Variants in SEMA3E observed in about 807,000 individuals in gnomAD.
The protein encoded by SEMA3E is semaphorin-3E.
Under a neutral mutation model 93.6 loss-of-function variants are expected in SEMA3E, and 49 were observed. The ratio of observed to expected loss-of-function variants is 0.52; its 90% CI spans 0.42 to 0.66. SEMA3E has a LOEUF of 0.66. SEMA3E is among the 30% of genes least tolerant of loss of function. SEMA3E has a pLI of 0.00. For missense variants in SEMA3E, 906 were observed against 964.8 expected (o/e 0.94, Z 0.81); for synonymous variants, 363 against 330.7 (o/e 1.10, Z -1.06).
At chr7:83,395,710 G>C (rs943797473) in intron 12 of SEMA3E, among the ~76,000 whole-genome samples, 1 of 152,102 alleles carries the variant, frequency 6.6e-6, no homozygotes, top group Non-Finnish European at 1.5e-5. Flanking sequence ...CAAGCATAGC[G>C]CTGAAGTGCT....
chr7:83,481,395 G>T (rs192767938), intron 2 of SEMA3E, among the ~76,000 whole-genome samples: 5 of 151,540 alleles, frequency 3.3e-5, no homozygotes, highest in African/African-American at 1.2e-4. Flanking sequence ...ACAAAAACAC[G>T]TTTTTTTTCA....
intron 16 of SEMA3E, among the ~76,000 whole-genome samples, chr7:83,383,770 G>A (rs939232695): frequency 3.9e-5 from 6 of 151,916 alleles, no homozygotes; most frequent in Admixed American, 6.6e-5. Context: ...GGCAGATTAT[G>A]GTGAGTTCCA....
chr7:83,619,998 T>C (rs1196849104), intron 1 of SEMA3E, among the ~76,000 whole-genome samples: 1 of 151,848 alleles, frequency 6.6e-6, no homozygotes, highest in Non-Finnish European at 1.5e-5. Flanking sequence ...ATCCTGACAT[T>C]TAGTAGGTAA....
chr7:83,527,133 C>T (rs762032422), intron 1 of SEMA3E, among the ~76,000 whole-genome samples: 4 of 152,018 alleles, frequency 2.6e-5, no homozygotes, highest in Admixed American at 6.6e-5. Flanking sequence ...AATGCATCTG[C>T]AAGCCACAGA....
chr7:83,392,454 A>G (rs961313933), intron 14 of SEMA3E, 101 bp downstream of exon 14: 1 of 1,285,514 alleles, frequency 7.8e-7, no homozygotes, highest in African/African-American at 1.5e-5. Flanking sequence ...ACAATAATTA[A>G]TACAGGTATT....
chr7:83,503,333 G>GT (rs533362853), intron 1 of SEMA3E, among the ~76,000 whole-genome samples: 47 of 151,986 alleles, frequency 3.1e-4, no homozygotes, highest in Admixed American at 2.9e-3. Flanking sequence ...TAGGAAGTTT[G>GT]TTTTTTTCTT....
chr7:83,400,282 T>A, intron 10 of SEMA3E, 32 bp from the exon 11 acceptor site: 1 of 1,593,822 alleles, frequency 6.3e-7, no homozygotes, highest in Non-Finnish European at 8.6e-7. Flanking sequence ...TAATTCTTTT[T>A]GCTTTACACC....
chr7:83,387,901 T>C (rs1374490253), intron 14 of SEMA3E, among the ~76,000 whole-genome samples: 1 of 147,038 alleles, frequency 6.8e-6, no homozygotes, highest in Admixed American at 6.9e-5. Context: ...TAACATTATA[T>C]ATATAAAATT....
chr7:83,414,802 T>C (rs893112594), intron 5 of SEMA3E, among the ~76,000 whole-genome samples: 4 of 152,064 alleles, frequency 2.6e-5, no homozygotes, highest in Non-Finnish European at 4.4e-5. Flanking sequence ...CCCCAAACTC[T>C]AGCTACATGT....
At position 83,583,572 on chromosome 7, in the gene SEMA3E, C is replaced by T. The variant is rs78043227; in HGVS notation, c.115+64856G>A. The stretch of plus-strand genomic sequence containing the variant: ...CCCCATATTTATTTGGCTAGCCACT[C>T]GATTCCATCCCCATCTCAGGAGCTA... On this transcript the variant is annotated intron_variant, in intron 1 of 16. Transcript: ENST00000643230. Among the ~76,000 whole-genome samples, 1,429 of 152,216 alleles carry T rather than the reference C, an allele frequency of 9.4e-3. 25 individuals carry two copies. Among genetic ancestry groups the T allele is most frequent in the African/African-American group, 0.032 (1,342 of 41,548 alleles).
intron 1 of SEMA3E, among the ~76,000 whole-genome samples, chr7:83,493,054 T>C (rs991934765): frequency 6.6e-6 from 1 of 152,008 alleles, no homozygotes; most frequent in Non-Finnish European, 1.5e-5. Flanking sequence ...TCTTCACCTG[T>C]TAATCACCCT....
At chr7:83,525,765 T>C (rs544576165) in intron 1 of SEMA3E, among the ~76,000 whole-genome samples, 2 of 145,306 alleles carry the variant, frequency 1.4e-5, no homozygotes, top group African/African-American at 5.0e-5. Flanking sequence ...TCTAAGTTCC[T>C]TCATTTTTGT....
rs1489026507 is a variant in SEMA3E at position 83,390,048 on chromosome 7, C to T, written c.1667+2507G>A. On this transcript the variant is annotated intron_variant, in intron 14 of 16. Coordinates refer to ENST00000643230, the MANE Select transcript of SEMA3E (RefSeq NM_012431.3). ...GTGTATACGTATACACATATATGCG[C>T]GTATACGTGTGCACATATATGCGCG... Among the ~76,000 whole-genome samples, 4 of 50,526 alleles carry T rather than the reference C, an allele frequency of 7.9e-5. 1 individual carries two copies. Among genetic ancestry groups the T allele is most frequent in the African/African-American group, 1.3e-4 (3 of 22,846 alleles). 33.1% of individuals were successfully genotyped at this position (50,526 alleles called of 152,430 possible).
In SEMA3E at chr7:83,394,271, TAC is replaced by T. The variant is rs71074649; in HGVS notation, c.1500+24_1500+25del. The T allele has an allele frequency of 0.93, 1,378,593 of 1,489,602 alleles. 635,583 individuals carry two copies. Among genetic ancestry groups the T allele is most frequent in the Non-Finnish European group, 0.94 (1,015,616 of 1,082,800 alleles). The allele number at this position is 1,489,602 out of a possible 1,614,324, so 92.3% of individuals were successfully genotyped here. ...AGCTCACATATAGAACACACACACC[TAC>T]ACACACACACACACAGAACTTACCC... is the stretch of plus-strand genomic sequence containing the variant. On this transcript the variant is annotated intron_variant, in intron 13 of 16. Coordinates refer to ENST00000643230, the MANE Select transcript of SEMA3E (RefSeq NM_012431.3).
chr7:83,499,026 C>A, intron 1 of SEMA3E, among the ~76,000 whole-genome samples: 1 of 134,340 alleles, frequency 7.4e-6, no homozygotes, highest in South Asian at 2.3e-4. Context: ...TAATATAAAC[C>A]TTTTTCTTTA....
chr7:83,474,420 GT>G (rs1460272044), intron 2 of SEMA3E, among the ~76,000 whole-genome samples: 2 of 152,132 alleles, frequency 1.3e-5, no homozygotes, highest in Non-Finnish European at 2.9e-5. Context: ...GCCCCAAGCA[GT>G]TTTTTACTAA....
chr7:83,407,249 C>T lies in SEMA3E; in HGVS notation c.671-10G>A, dbSNP rs372840645. 1.9e-4 allele frequency: 299 copies of T among 1,606,450 alleles called. 2 individuals carry two copies. Among genetic ancestry groups the T allele is most frequent in the Non-Finnish European group, 2.2e-4 (260 of 1,175,676 alleles). On this transcript the variant is annotated splice_polypyrimidine_tract_variant and intron_variant, in intron 6 of 16. Transcript: ENST00000643230. ...CCTACAAATTTTGGTTCTATAGGAG[C>T]AAAAAATAGGAGAAAAAGTGAAATA...
chr7:83,399,502 A>G (rs1036840592), intron 11 of SEMA3E, among the ~76,000 whole-genome samples: 1 of 152,204 alleles, frequency 6.6e-6, no homozygotes, highest in Non-Finnish European at 1.5e-5. Flanking sequence ...TATTGTCCCA[A>G]GTTCCAAGTT....
At chr7:83,450,977 C>A (rs1353917431) in intron 4 of SEMA3E, among the ~76,000 whole-genome samples, 1 of 151,820 alleles carries the variant, frequency 6.6e-6, no homozygotes, top group Non-Finnish European at 1.5e-5. Context: ...CTCCCATAAT[C>A]CCCCTGGTCA....
Sources: allele counts gnomAD v4.1 joint callset (sites outside exome capture counted in the v4.1 genomes callset), GRCh38; gene constraint gnomAD v4.1.1; transcripts MANE v1.5; gene names NCBI Gene and HGNC (gene_info 2026-07-23, HGNC 2026-07-21).